The following MAST3 variants were observed in gnomAD, a reference collection of about 807,000 sequenced individuals.
MAST3 encodes the protein microtubule associated serine/threonine kinase 3.
In MAST3, 43 loss-of-function variants were observed where a neutral mutation model predicts 127.0. The observed-to-expected ratio is 0.34, with a 90% CI of 0.27 to 0.44. The LOEUF is 0.44. Ranked by LOEUF, MAST3 falls within the 20% of genes least tolerant of loss-of-function variation. The pLI, the probability that MAST3 is intolerant of heterozygous loss-of-function variation, is 1.00. For missense variants in MAST3, 1,390 were observed against 1,919.1 expected, an observed-to-expected ratio of 0.72 and a Z score of 5.15; for synonymous variants, 785 against 809.2, an observed-to-expected ratio of 0.97 and a Z score of 0.51.
chr19:18,139,194 G>T, intron 20 of MAST3, 70 bp downstream of exon 20: 5 of 1,220,956 alleles, frequency 4.1e-6, no homozygotes, highest in Non-Finnish European at 5.9e-6. Flanking sequence ...TTTCGTATCT[G>T]TTTTTTGATT....
chr19:18,135,699 TCTCC>T, intron 17 of MAST3, 37 bp from the exon 18 acceptor site: 13 of 1,480,438 alleles, frequency 8.8e-6, no homozygotes, highest in Non-Finnish European at 1.2e-5. Flanking sequence ...TACCCTGCCT[TCTCC>T]CTCCCTCCCT....
chr19:18,147,026 C>A lies in MAST3; in HGVS notation c.3308C>A (p.Ala1103Glu). 6.4e-7 allele frequency: 1 copy of A among 1,570,208 alleles called. No individual in the cohort carries two copies. Among genetic ancestry groups the A allele is most frequent in the East Asian group, 2.3e-5 (1 of 43,070 alleles). Residue 1103 changes from alanine (A) to glutamate (E), a missense_variant, in exon 26 of 28, where the codon GCA becomes GAA. Around this residue, in one of 5 missense-constraint regions of MAST3, gnomAD observed 816 missense variants for 934.1 expected, o/e 0.87. Coordinates refer to ENST00000687212, the MANE Select transcript of MAST3 (RefSeq NM_001393504.1). Reference protein sequence around the residue: ...RRRETQDRCAAVTTRERRKSL... With the variant: ...RRRETQDRCAEVTTRERRKSL... ...CGGGAGACCCAGGATCGGTGCGCGG[C>A]AGTGACCACCAGGGAGCGGTACACA...
At chr19:18,127,473 C>A (rs1414662177) in intron 11 of MAST3, among the ~76,000 whole-genome samples, 1 of 152,130 alleles carries the variant, frequency 6.6e-6, no homozygotes, top group Admixed American at 6.5e-5. Context: ...TACCTGAGGT[C>A]AGGAGTTCAA....
At position 18,151,059 on chromosome 19, in the gene MAST3, T is replaced by G. The variant is rs1196084035; in HGVS notation, c.*1333T>G. ...TTGGCCGTGATGTGTCTGAAACACC[T>G]GTTAGGGGTTCCCTCCATATGTCAG... On this transcript the variant is annotated 3_prime_UTR_variant, in exon 28 of 28. Coordinates refer to ENST00000687212, the MANE Select transcript of MAST3 (RefSeq NM_001393504.1). 6.6e-6 allele frequency: 1 copy of G among 152,192 alleles called. No individual in the cohort carries two copies. Among genetic ancestry groups the G allele is most frequent in the Non-Finnish European group, 1.5e-5 (1 of 68,026 alleles). 9.4% of individuals were successfully genotyped at this position (152,192 alleles called of 1,614,324 possible). A position where few individuals can be genotyped will look rare whatever the true frequency, so the allele number is the denominator to read the frequency against.
intron 8 of MAST3, 102 bp from the exon 9 acceptor site, chr19:18,123,837 G>A: frequency 9.0e-7 from 1 of 1,112,190 alleles, no homozygotes; most frequent in Non-Finnish European, 1.3e-6. Context: ...TCGCCCCATT[G>A]CCCCATCTCC....
Position 18,130,351 on chromosome 19 carries a change from A to G in MAST3, c.1224-143A>G, listed in dbSNP as rs573741320. 1.3e-5 allele frequency: 9 copies of G among 693,294 alleles called. No individual in the cohort carries two copies. In the African/African-American group the frequency reaches 1.6e-4, roughly 12 times the overall value. The allele number at this position is 693,294 out of a possible 1,614,324, so 42.9% of individuals were successfully genotyped here. ...AAAGGTGGCTGCTCTGGGAGGGGGA[A>G]CAGGTAAGGAGAATGGGTGGCCCAG... On this transcript the variant is annotated intron_variant, in intron 13 of 27. Transcript: ENST00000687212.
rs542118587 is a variant in MAST3 at position 18,146,747 on chromosome 19, G to A, written c.3163-134G>A. 480 of 779,254 alleles carry A rather than the reference G, an allele frequency of 6.2e-4. 2 individuals are homozygous for A. The highest frequency in any genetic ancestry group is 8.9e-4 in the Non-Finnish European group (439 of 491,318). 48.3% of individuals were successfully genotyped at this position (779,254 alleles called of 1,614,324 possible). A position where few individuals can be genotyped will look rare whatever the true frequency, so the allele number is the denominator to read the frequency against. ...GACCGGATATATTGGGTAGGTCACT[G>A]GTTGTGTGGATGAATGGATGCTGGG... On this transcript the variant is annotated intron_variant, in intron 25 of 27. Coordinates refer to ENST00000687212, the MANE Select transcript of MAST3 (RefSeq NM_001393504.1).
chr19:18,114,870 A>G (rs2039045782), intron 3 of MAST3, among the ~76,000 whole-genome samples: 1 of 152,150 alleles, frequency 6.6e-6, no homozygotes, highest in South Asian at 2.1e-4. Context: ...ACTAGGAGCC[A>G]TAGAGTGTGG....
chr19:18,104,860 G>T (rs2037942510), intron 1 of MAST3, among the ~76,000 whole-genome samples: 1 of 152,146 alleles, frequency 6.6e-6, no homozygotes, highest in African/African-American at 2.4e-5. Context: ...CTCAACAATA[G>T]TACAACAGCA....
chr19:18,140,414 T>C (rs898888772), intron 20 of MAST3, among the ~76,000 whole-genome samples: 5 of 152,130 alleles, frequency 3.3e-5, no homozygotes, highest in African/African-American at 9.7e-5. Context: ...TACAATTTCG[T>C]GGCATTCAGC....
chr19:18,098,850 A>G (rs2037275912), intron 1 of MAST3: 2 of 455,398 alleles, frequency 4.4e-6, no homozygotes, highest in East Asian at 7.0e-5. Context: ...AGAAACCCCA[A>G]CCTGTTGGGG....
intron 27 of MAST3, among the ~76,000 whole-genome samples, chr19:18,147,883 C>A (rs769115629): frequency 2.0e-5 from 3 of 152,232 alleles, no homozygotes; most frequent in African/African-American, 7.2e-5. Flanking sequence ...AGGCCAGGCA[C>A]GGAGGCTCAC....
chr19:18,142,025 C>A lies in MAST3; in HGVS notation c.2339+10C>A. On this transcript the variant is annotated intron_variant, in intron 21 of 27. Transcript: ENST00000687212. The stretch of plus-strand genomic sequence containing the variant: ...TGAGTGCTGACATCCGGTAAGTGGC[C>A]TGGGGAAGTGTAGGCAGATCCAGCT... The A allele has an allele frequency of 6.9e-7, 1 of 1,455,202 alleles. No homozygotes were observed. The highest frequency in any genetic ancestry group is 9.2e-7 in the Non-Finnish European group (1 of 1,088,572). 90.1% of individuals were successfully genotyped at this position (1,455,202 alleles called of 1,614,324 possible).
At chr19:18,121,230 AC>A (rs2039944397) in intron 3 of MAST3, among the ~76,000 whole-genome samples, 1 of 151,632 alleles carries the variant, frequency 6.6e-6, no homozygotes, top group Non-Finnish European at 1.5e-5. Flanking sequence ...ATCATGGCTC[AC>A]GGCAGCCTTG....
intron 13 of MAST3, 152 bp downstream of exon 13, chr19:18,129,103 A>C (rs776723147): frequency 2.2e-5 from 15 of 676,684 alleles, no homozygotes; most frequent in Non-Finnish European, 3.9e-5. Flanking sequence ...TGGAGGGGGA[A>C]GTGGAGACAC....
rs1296320825 is a variant in MAST3 at position 18,128,437 on chromosome 19, C to T, written c.1116C>T (p.Pro372=). ...TGAGTCACCTCGAAGAAGAACAGCC[C>T]CCAGCACCTGAGTCCCCAGAGGTGA... ...VPLSHLEEEQ[P]PAPESPESRA... The change falls in exon 12 of 28, where the codon CCC becomes CCT. Residue 372 remains proline (P), a synonymous_variant. Transcript: ENST00000687212. 6.4e-7 allele frequency: 1 copy of T among 1,557,094 alleles called. No homozygotes were observed. The highest frequency in any genetic ancestry group is 2.4e-5 in the East Asian group (1 of 41,284).
chr19:18,135,044 C>T (rs564981083), intron 17 of MAST3, 62 bp downstream of exon 17: 48 of 1,514,434 alleles, frequency 3.2e-5, no homozygotes, highest in South Asian at 1.5e-4. Flanking sequence ...GGGCAGCGGT[C>T]CTCCACCCGC....
Position 18,112,476 on chromosome 19 carries a change from A to G in MAST3, c.161+1735A>G, listed in dbSNP as rs532608306. 6.6e-6 allele frequency among the ~76,000 whole-genome samples: 1 copy of G among 152,160 alleles called. No homozygotes were observed. The highest frequency in any genetic ancestry group is 2.1e-4 in the South Asian group (1 of 4,822). ...CAGCCTCCCAAGTAGCTGGGATTAC[A>G]GGCACACACCAACACTCCCGGCTAA... On this transcript the variant is annotated intron_variant, in intron 3 of 27. Coordinates refer to ENST00000687212, the MANE Select transcript of MAST3 (RefSeq NM_001393504.1). The surrounding 1 kb of genome is among the most constrained non-coding windows in gnomAD (Gnocchi z 4.1).
chr19:18,097,866 G>A, intron 1 of MAST3, 35 bp downstream of exon 1: 2 of 1,227,930 alleles, frequency 1.6e-6, no homozygotes, highest in Non-Finnish European at 1.0e-6. Context: ...GAAGGCAGAG[G>A]GCGCGGCCAA....
Sources: allele counts gnomAD v4.1 joint callset (sites outside exome capture counted in the v4.1 genomes callset), GRCh38; gene constraint gnomAD v4.1.1; regional missense constraint gnomAD v4.1.1; non-coding constraint Gnocchi (gnomAD v3.1); transcripts MANE v1.5; gene names NCBI Gene and HGNC (gene_info 2026-07-23, HGNC 2026-07-21).